The following PIK3C2G variants were observed in gnomAD, a reference collection of about 807,000 sequenced individuals.
PIK3C2G encodes phosphatidylinositol-4-phosphate 3-kinase catalytic subunit type 2 gamma.
In PIK3C2G, 168 loss-of-function variants were observed where a neutral mutation model predicts 181.1. The observed-to-expected ratio is 0.93, with a 90% CI of 0.82 to 1.05. The LOEUF is 1.05. Among genes scored for constraint, PIK3C2G ranks in the 50% least tolerant of loss-of-function variants. The pLI is 0.00. For missense variants in PIK3C2G, 1,869 were observed against 1,732.8 expected (o/e 1.08, Z -1.40); for synonymous variants, 573 against 592.2 (o/e 0.97, Z 0.47).
At chr12:18,711,529 T>TAAAATAATA in the PIK3C2G span, among the ~76,000 whole-genome samples, 2 of 142,470 alleles carry the variant, frequency 1.4e-5, no homozygotes, top group Non-Finnish European at 3.0e-5. Flanking sequence ...AAACTTAAAG[T>TAAAATAATA]ATAATAATAA....
At chr12:18,665,123 A>T in the PIK3C2G span, among the ~76,000 whole-genome samples, 1 of 151,818 alleles carries the variant, frequency 6.6e-6, no homozygotes, top group Non-Finnish European at 1.5e-5. Flanking sequence ...TAACCTGCAC[A>T]TTGTGCACAT....
intron 29 of PIK3C2G, among the ~76,000 whole-genome samples, chr12:18,576,361 T>C (rs1946232049): frequency 6.6e-6 from 1 of 152,106 alleles, no homozygotes; most frequent in Admixed American, 6.5e-5. Context: ...GCAGAAAGGA[T>C]GAATGGTAAT....
At chr12:18,556,651 C>T (rs1038664181) in intron 26 of PIK3C2G, among the ~76,000 whole-genome samples, 3 of 152,098 alleles carry the variant, frequency 2.0e-5, no homozygotes, top group African/African-American at 7.2e-5. Context: ...GATCGATGTT[C>T]AATGAATGAA....
chr12:18,709,345 T>C, the PIK3C2G span, among the ~76,000 whole-genome samples: 1 of 152,168 alleles, frequency 6.6e-6, no homozygotes, highest in African/African-American at 2.4e-5. Flanking sequence ...GGTTGATCTC[T>C]AGGCTCTCTA....
At chr12:18,478,933 C>T (rs1305734857) in intron 18 of PIK3C2G, among the ~76,000 whole-genome samples, 1 of 150,148 alleles carries the variant, frequency 6.7e-6, no homozygotes, top group Non-Finnish European at 1.5e-5. Context: ...CATGATCACA[C>T]CACTGCACTC....
chr12:18,654,729 A>T, the PIK3C2G span, among the ~76,000 whole-genome samples: 9 of 152,214 alleles, frequency 5.9e-5, no homozygotes, highest in Non-Finnish European at 8.8e-5. Context: ...TGATAAGATT[A>T]TCTTTTACAT....
chr12:18,460,077 T>G (rs1283941750), intron 18 of PIK3C2G, among the ~76,000 whole-genome samples: 1 of 152,188 alleles, frequency 6.6e-6, no homozygotes, highest in Non-Finnish European at 1.5e-5. Context: ...TCTTTTTTCT[T>G]AATTACTTTT....
chr12:18,694,902 A>C, the PIK3C2G span: 1 of 1,569,892 alleles, frequency 6.4e-7, no homozygotes, highest in East Asian at 2.3e-5. Flanking sequence ...AAAATTTATT[A>C]ATCTTACCCT....
chr12:18,299,403 CTTTA>C (rs1467497217), intron 5 of PIK3C2G, among the ~76,000 whole-genome samples: 1 of 151,854 alleles, frequency 6.6e-6, no homozygotes, highest in African/African-American at 2.4e-5. Flanking sequence ...TATCTTGCAA[CTTTA>C]TTTAATTTGT....
At chr12:18,626,878 T>C (rs1456663627) in intron 31 of PIK3C2G, among the ~76,000 whole-genome samples, 1 of 152,030 alleles carries the variant, frequency 6.6e-6, no homozygotes, top group African/African-American at 2.4e-5. Context: ...TGAATTTGAT[T>C]GGAGATTTCT....
rs757769822 is a variant in PIK3C2G, at chr12:18,282,722, C to T, written c.641C>T (p.Pro214Leu). The change falls in exon 2 of 33, where the codon CCC (proline) becomes CTC (leucine). Residue 214 changes from proline (P) to leucine (L), a missense_variant. Transcript: ENST00000538779. ...ATGCTTTTGAAAGGCTCTCTTCAAC[C>T]CGGAATGTGGGAAAGTACATGGCAG... Reference protein sequence around the residue: ...SLMLLKGSLQPGMWESTWQKN... With the variant: ...SLMLLKGSLQLGMWESTWQKN... 1.2e-6 allele frequency: 2 copies of T among 1,610,562 alleles called. No individual in the cohort carries two copies. The highest frequency in any genetic ancestry group is 2.7e-5 in the African/African-American group (2 of 74,680).
At chr12:18,321,518 T>G (rs749690832) in intron 7 of PIK3C2G, among the ~76,000 whole-genome samples, 2 of 152,218 alleles carry the variant, frequency 1.3e-5, no homozygotes, top group African/African-American at 4.8e-5. Flanking sequence ...TGTATGCATG[T>G]ATTATTTGGA....
At chr12:18,546,021 A>G (rs899649064) in intron 25 of PIK3C2G, among the ~76,000 whole-genome samples, 1 of 151,960 alleles carries the variant, frequency 6.6e-6, no homozygotes, top group African/African-American at 2.4e-5. Flanking sequence ...AAATTCTCAC[A>G]TGGGGATAAT....
chr12:18,309,170 A>G (rs1405134348), intron 5 of PIK3C2G, among the ~76,000 whole-genome samples: 1 of 151,826 alleles, frequency 6.6e-6, no homozygotes, highest in Non-Finnish European at 1.5e-5. Flanking sequence ...TAGGCTATTT[A>G]GAGTCCATTG....
At chr12:18,303,728 T>C (rs966032028) in intron 5 of PIK3C2G, among the ~76,000 whole-genome samples, 1 of 152,214 alleles carries the variant, frequency 6.6e-6, no homozygotes, top group Admixed American at 6.5e-5. Context: ...TAAAATTTAC[T>C]GTACTTAAAA....
chr12:18,391,024 C>A, intron 14 of PIK3C2G, 98 bp from the exon 15 acceptor site: 1 of 758,798 alleles, frequency 1.3e-6, no homozygotes, highest in Non-Finnish European at 1.9e-6. Context: ...AGAATTTATT[C>A]TGTTCTTTAG....
intron 29 of PIK3C2G, among the ~76,000 whole-genome samples, chr12:18,572,338 T>C (rs1325542418): frequency 6.8e-6 from 1 of 147,824 alleles, no homozygotes; most frequent in Non-Finnish European, 1.5e-5. Flanking sequence ...CTTATTGTAA[T>C]TATATAAAAT....
intron 30 of PIK3C2G, among the ~76,000 whole-genome samples, chr12:18,598,243 A>C (rs1947487527): frequency 2.0e-5 from 3 of 151,580 alleles, no homozygotes; most frequent in Admixed American, 6.6e-5. Flanking sequence ...ACCTGACTTC[A>C]AACTATACTA....
the PIK3C2G span, among the ~76,000 whole-genome samples, chr12:18,724,050 A>G: frequency 1.3e-5 from 2 of 152,100 alleles, no homozygotes; most frequent in Non-Finnish European, 2.9e-5. Context: ...AATAAGAAAG[A>G]GTGGATTCGA....
Sources: gnomAD v4.1 joint callset for allele counts (sites outside exome capture counted in the v4.1 genomes callset) on GRCh38, gnomAD v4.1.1 for gene constraint, MANE v1.5 for transcripts, NCBI Gene and HGNC (gene_info 2026-07-23, HGNC 2026-07-21) for gene names.